CFAP299: variants seen among roughly 807,000 people sequenced by gnomAD.
CFAP299 encodes cilia- and flagella-associated protein 299.
In CFAP299, 21 loss-of-function variants were observed where a neutral mutation model predicts 27.0. The ratio of observed to expected loss-of-function variants is 0.78; its 90% CI spans 0.55 to 1.12. The LOEUF (loss-of-function observed/expected upper bound fraction) is 1.12. Among genes scored for constraint, CFAP299 ranks in the 50% most tolerant of loss-of-function variants. CFAP299 has a pLI of 0.00. For synonymous variants in CFAP299, 104 were observed against 98.1 expected (o/e 1.06, Z -0.36); for missense variants, 310 against 276.6 (o/e 1.12, Z -0.86).
At chr4:80,725,558 A>G (rs915900316) in intron 3 of CFAP299, among the ~76,000 whole-genome samples, 2 of 152,214 alleles carry the variant, frequency 1.3e-5, no homozygotes, top group African/African-American at 2.4e-5. Context: ...AGAAGCATGT[A>G]ATTAGTTAGG....
intron 2 of CFAP299, among the ~76,000 whole-genome samples, chr4:80,513,622 G>A (rs943788783): frequency 1.3e-5 from 2 of 152,068 alleles, no homozygotes; most frequent in Non-Finnish European, 2.9e-5. Flanking sequence ...GCTTCCAAAA[G>A]GGTCCCCTGA....
rs188209236 is a variant in CFAP299 at position 80,610,910 on chromosome 4, C to T, written c.333+27727C>T. Among the ~76,000 whole-genome samples, 111 of 151,996 alleles carry T rather than the reference C, an allele frequency of 7.3e-4. 1 individual carries two copies. Among genetic ancestry groups the T allele is most frequent in the Middle Eastern group, 3.4e-3 (1 of 294 alleles). On this transcript the variant is annotated intron_variant, in intron 3 of 5. Transcript: ENST00000358105. Reference sequence around the variant, plus strand: ...ATTAGTTGGGTGATGAGCTGGTCACCCTGTAAGTTTCTTTAAGTTGTTCTA... The same window carrying T: ...ATTAGTTGGGTGATGAGCTGGTCACTCTGTAAGTTTCTTTAAGTTGTTCTA...
chr4:80,888,815 G>T (rs183190512), intron 4 of CFAP299, among the ~76,000 whole-genome samples: 47 of 151,664 alleles, frequency 3.1e-4, no homozygotes, highest in African/African-American at 1.1e-3. Flanking sequence ...AATAACAAGA[G>T]GAATTTTTGG....
intron 2 of CFAP299, among the ~76,000 whole-genome samples, chr4:80,574,293 T>C (rs1418625523): frequency 1.3e-5 from 2 of 152,200 alleles, no homozygotes; most frequent in Non-Finnish European, 2.9e-5. Flanking sequence ...GATTTATCTA[T>C]ATTAATTTTG....
chr4:80,837,481 T>C (rs922733637), intron 3 of CFAP299, among the ~76,000 whole-genome samples: 1 of 152,128 alleles, frequency 6.6e-6, no homozygotes, highest in South Asian at 2.1e-4. Flanking sequence ...TTCCCCTCCC[T>C]GTGTCCATGT....
chr4:80,451,259 C>T (rs1728891396), intron 2 of CFAP299, among the ~76,000 whole-genome samples: 2 of 152,170 alleles, frequency 1.3e-5, no homozygotes, highest in Non-Finnish European at 2.9e-5. Flanking sequence ...TAGCTGATAT[C>T]TCTTTGTGTG....
chr4:80,424,508 A>T (rs928182051), intron 2 of CFAP299, among the ~76,000 whole-genome samples: 2 of 152,230 alleles, frequency 1.3e-5, no homozygotes, highest in Admixed American at 6.5e-5. Flanking sequence ...CTTCTCAAAG[A>T]TGATGTAATC....
chr4:80,916,650 A>T (rs1578236473), intron 4 of CFAP299, among the ~76,000 whole-genome samples: 1 of 152,172 alleles, frequency 6.6e-6, no homozygotes, highest in South Asian at 2.1e-4. Context: ...TGGTGCTTCA[A>T]ATAAATCTCC....
At chr4:80,528,831 T>C (rs1733319258) in intron 2 of CFAP299, among the ~76,000 whole-genome samples, 1 of 152,132 alleles carries the variant, frequency 6.6e-6, no homozygotes, top group South Asian at 2.1e-4. Context: ...CTGCCCAGTA[T>C]CTCAAGAAAG....
At chr4:80,694,034 T>C (rs17004971) in intron 3 of CFAP299, among the ~76,000 whole-genome samples, 92,908 of 152,008 alleles carry the variant, frequency 0.61, 32,351 homozygotes, top group Non-Finnish European at 0.77. Flanking sequence ...ATCTTCTCTT[T>C]GTAAAATTAT....
intron 3 of CFAP299, among the ~76,000 whole-genome samples, chr4:80,860,692 G>T (rs1732275338): frequency 6.6e-6 from 1 of 152,200 alleles, no homozygotes. Context: ...CTGTTTGCCT[G>T]GGTATCAGCA....
Position 80,392,973 on chromosome 4 carries a change from C to T in CFAP299, c.242+30089C>T, listed in dbSNP as rs114677355. On this transcript the variant is annotated intron_variant, in intron 2 of 5. Coordinates refer to ENST00000358105, the MANE Select transcript of CFAP299 (RefSeq NM_152770.3). ...ATATTCCAGAAGAAGGTATTGTTAT[C>T]ATAGGAGATGACAGCTCTATGGCTG... Among the ~76,000 whole-genome samples the T allele has an allele frequency of 3.4e-3, 519 of 152,232 alleles. 1 individual carries two copies. The highest frequency in any genetic ancestry group is 0.012 in the African/African-American group (488 of 41,548).
At chr4:80,959,855 T>G (rs1738254675) in intron 5 of CFAP299, among the ~76,000 whole-genome samples, 1 of 151,844 alleles carries the variant, frequency 6.6e-6, no homozygotes, top group South Asian at 2.1e-4. Context: ...GGACATTTGA[T>G]TAAAATAAGA....
Position 80,402,673 on chromosome 4 carries a change from G to C in CFAP299, c.242+39789G>C, listed in dbSNP as rs149993409. On this transcript the variant is annotated intron_variant, in intron 2 of 5. Transcript: ENST00000358105. The stretch of plus-strand genomic sequence containing the variant: ...ATCCAAGTTTGTACAACCAATAAAA[G>C]GCAGAAGTAGGATGAAGACTCTAGC... Among the ~76,000 whole-genome samples, 408 of 152,252 alleles carry C rather than the reference G, an allele frequency of 2.7e-3. 2 individuals are homozygous for C. Among genetic ancestry groups the C allele is most frequent in the African/African-American group, 9.6e-3 (401 of 41,562 alleles).
At chr4:80,896,997 T>C (rs1337626354) in intron 4 of CFAP299, among the ~76,000 whole-genome samples, 1 of 152,156 alleles carries the variant, frequency 6.6e-6, no homozygotes, top group African/African-American at 2.4e-5. Flanking sequence ...CTTTGAAAAA[T>C]GAATAGGAAT....
intron 3 of CFAP299, among the ~76,000 whole-genome samples, chr4:80,690,516 C>A (rs1174032536): frequency 6.6e-6 from 1 of 151,452 alleles, no homozygotes; most frequent in Non-Finnish European, 1.5e-5. Context: ...ACACAACATA[C>A]CAGAATCTCT....
intron 2 of CFAP299, among the ~76,000 whole-genome samples, chr4:80,408,111 C>G (rs926604450): frequency 6.6e-6 from 1 of 152,122 alleles, no homozygotes; most frequent in African/African-American, 2.4e-5. Context: ...ATGTACATGT[C>G]CCCTAATGCA....
chr4:80,399,600 C>G (rs1337306301), intron 2 of CFAP299, among the ~76,000 whole-genome samples: 3 of 150,536 alleles, frequency 2.0e-5, no homozygotes, highest in African/African-American at 7.3e-5. Flanking sequence ...GACAAAAAAC[C>G]AAACACCTCA....
chr4:80,386,544 C>G (rs1218942522), intron 2 of CFAP299: 2 of 1,593,690 alleles, frequency 1.3e-6, no homozygotes, highest in Non-Finnish European at 8.6e-7. Flanking sequence ...GTTTGCAGGT[C>G]CTTTTCCTTC....
Sources: gnomAD v4.1 joint callset for allele counts (sites outside exome capture counted in the v4.1 genomes callset) on GRCh38, gnomAD v4.1.1 for gene constraint, MANE v1.5 for transcripts, NCBI Gene and HGNC (gene_info 2026-07-23, HGNC 2026-07-21) for gene names.